Variants in CEP164 observed in about 807,000 individuals in gnomAD.
The protein encoded by CEP164 is centrosomal protein 164.
Under a neutral mutation model 182.7 loss-of-function variants are expected in CEP164, and 162 were observed. The observed-to-expected ratio is 0.89, with a 90% CI of 0.78 to 1.01. The LOEUF is 1.01. Ranked by LOEUF, CEP164 falls within the 50% of genes least tolerant of loss-of-function variation. CEP164 has a pLI of 0.00. For missense variants in CEP164, 1,735 were observed against 1,790.4 expected, an observed-to-expected ratio of 0.97 and a Z score of 0.56; for synonymous variants, 661 against 690.0, an observed-to-expected ratio of 0.96 and a Z score of 0.66.
At chr11:117,369,300 TA>T (rs1565504825) in intron 8 of CEP164, among the ~76,000 whole-genome samples, 1 of 152,212 alleles carries the variant, frequency 6.6e-6, no homozygotes, top group Non-Finnish European at 1.5e-5. Context: ...CCTTATGGGG[TA>T]AGCACTACTA....
chr11:117,333,006 G>A (rs2036453286), intron 1 of CEP164, among the ~76,000 whole-genome samples: 1 of 152,158 alleles, frequency 6.6e-6, no homozygotes, highest in Admixed American at 6.5e-5. Flanking sequence ...TCTAAGGGCT[G>A]CATTCTCATT....
intron 5 of CEP164, among the ~76,000 whole-genome samples, chr11:117,357,423 CTTTTTTT>C (rs4018866): frequency 8.2e-6 from 1 of 121,526 alleles, no homozygotes; most frequent in East Asian, 2.5e-4. Context: ...AGTTAATATT[CTTTTTTT>C]TTTTTTTTTT....
Position 117,371,331 on chromosome 11 carries a change from T to C in CEP164, c.1017T>C (p.Pro339=). 1.2e-6 allele frequency: 2 copies of C among 1,614,184 alleles called. No individual in the cohort carries two copies. The highest frequency in any genetic ancestry group is 1.7e-6 in the Non-Finnish European group (2 of 1,180,028). ...TPKADPTGSE[P]AKASEKEAPE... is the part of the protein sequence containing the mutation. ...AGGCAGACCCTACAGGCAGTGAGCC[T>C]GCCAAAGCCTCTGAAAAGGAAGCAC... Residue 339 remains proline, a synonymous_variant, in exon 9 of 33, where the codon CCT becomes CCC. Transcript: ENST00000278935.
rs747130165 is a variant in CEP164, at chr11:117,395,670, T to TCC, written c.3039_3040dup (p.Gln1014ProfsTer31). On this transcript the variant is annotated frameshift_variant, in exon 24 of 33. Transcript: ENST00000278935. LOFTEE classifies it high-confidence loss of function. Reference sequence around the variant, plus strand: ...GCAGGCCCGCAAGCTGAAGCTGGAGTCCCAAGTGGATCTGCTGCAGGCTCA... The same window carrying TCC: ...GCAGGCCCGCAAGCTGAAGCTGGAGTCCCCCAAGTGGATCTGCTGCAGGCTCA... 4 of 1,612,854 alleles carry TCC rather than the reference T, an allele frequency of 2.5e-6. No homozygotes were observed. The African/African-American group carries it at 5.4e-5, about 22-fold the overall frequency.
intron 1 of CEP164, among the ~76,000 whole-genome samples, chr11:117,330,919 C>T (rs1222695037): frequency 1.3e-5 from 2 of 152,220 alleles, no homozygotes; most frequent in African/African-American, 2.4e-5. Context: ...GGCTGTCCAG[C>T]TAGTAAGAGG....
Position 117,344,243 on chromosome 11 carries a change from A to T in CEP164, c.160A>T (p.Ile54Phe). ...PELMWLAREGIVAPLPGEWKP... is the reference protein window; with the variant it reads ...PELMWLAREGFVAPLPGEWKP... ...ACTGATGTGGCTGGCGCGAGAGGGCATCGTGGCCCCACTGCCTGGAGAGTG... is the reference window on the plus strand; with the variant it reads ...ACTGATGTGGCTGGCGCGAGAGGGCTTCGTGGCCCCACTGCCTGGAGAGTG... Residue 54 changes from isoleucine (I) to phenylalanine (F), a missense_variant, in exon 4 of 33, where the codon ATC (isoleucine) becomes TTC (phenylalanine). Coordinates refer to ENST00000278935, the MANE Select transcript of CEP164 (RefSeq NM_014956.5). 1.9e-6 allele frequency: 3 copies of T among 1,613,406 alleles called. No homozygotes were observed. The highest frequency in any genetic ancestry group is 2.5e-6 in the Non-Finnish European group (3 of 1,179,714).
chr11:117,405,227 G>A (rs1349708857), intron 27 of CEP164, among the ~76,000 whole-genome samples: 2 of 152,300 alleles, frequency 1.3e-5, no homozygotes, highest in Non-Finnish European at 2.9e-5. Flanking sequence ...AGCTAGCTCA[G>A]TGTCTGCCCA....
chr11:117,373,372 A>T (rs1832688603), intron 9 of CEP164, among the ~76,000 whole-genome samples: 1 of 152,058 alleles, frequency 6.6e-6, no homozygotes, highest in Admixed American at 6.5e-5. Context: ...GGAAAAAAAA[A>T]AAAAGAGCTT....
At chr11:117,370,172 ATCTAACCC>A (rs1353678479) in intron 8 of CEP164, among the ~76,000 whole-genome samples, 2 of 152,114 alleles carry the variant, frequency 1.3e-5, no homozygotes, top group African/African-American at 2.4e-5. Context: ...TCTCTTGTAC[ATCTAACCC>A]TAACTTGGCA....
chr11:117,343,336 T>C (rs1015456399), intron 3 of CEP164, among the ~76,000 whole-genome samples: 3 of 152,250 alleles, frequency 2.0e-5, no homozygotes, highest in Admixed American at 2.0e-4. Context: ...CACTGCCTTC[T>C]CTCTGCTCCC....
In CEP164 at chr11:117,382,943, G is replaced by A. The variant is rs1489883516; in HGVS notation, c.1724+1G>A. 5.6e-6 allele frequency: 9 copies of A among 1,612,174 alleles called. No homozygotes were observed. In the African/African-American group the frequency reaches 1.2e-4, roughly 22 times the overall value. On this transcript the variant is annotated splice_donor_variant, in intron 14 of 32. Coordinates refer to ENST00000278935, the MANE Select transcript of CEP164 (RefSeq NM_014956.5). LOFTEE classifies it high-confidence loss of function. ...CCACCCCGCCAGTCTCTCCAGAGGT[G>A]TAAGGGCCAGTTTTGTGTGTCTGTC...
In CEP164 at chr11:117,373,749, A is replaced by C; in HGVS notation, c.1153-2A>C. On this transcript the variant is annotated splice_acceptor_variant, in intron 9 of 32. Transcript: ENST00000278935. LOFTEE classifies it high-confidence loss of function. ...GATTTCTCTGTGGGTCTGTCTCTCC[A>C]GGAACTGGAAATTAGTGAACACATG... 1 of 1,613,832 alleles carries C rather than the reference A, an allele frequency of 6.2e-7. No homozygotes were observed. The highest frequency in any genetic ancestry group is 1.3e-5 in the African/African-American group (1 of 75,056).
At chr11:117,373,177 G>A (rs1422155775) in intron 9 of CEP164, among the ~76,000 whole-genome samples, 1 of 152,024 alleles carries the variant, frequency 6.6e-6, no homozygotes, top group Non-Finnish European at 1.5e-5. Flanking sequence ...GAGATCACTG[G>A]CCAACATGGT....
intron 8 of CEP164, among the ~76,000 whole-genome samples, chr11:117,368,661 A>T (rs2041904069): frequency 6.6e-6 from 1 of 152,162 alleles, no homozygotes; most frequent in Admixed American, 6.5e-5. Context: ...TGCCCACCCC[A>T]GGCAACTCCC....
chr11:117,382,633 G>A, intron 13 of CEP164, 163 bp from the exon 14 acceptor site: 1 of 732,524 alleles, frequency 1.4e-6, no homozygotes, highest in Non-Finnish European at 2.3e-6. Flanking sequence ...AATAATTCAG[G>A]GAGAGGAAGG....
intron 15 of CEP164, among the ~76,000 whole-genome samples, chr11:117,389,245 C>T (rs906524877): frequency 5.3e-5 from 8 of 152,088 alleles, no homozygotes; most frequent in African/African-American, 1.9e-4. Context: ...ATCCCCTGGT[C>T]GTGTGGGGCT....
chr11:117,391,097 T>C lies in CEP164; in HGVS notation c.2165T>C (p.Leu722Pro), dbSNP rs1368750064. 4 of 1,614,014 alleles carry C rather than the reference T, an allele frequency of 2.5e-6. No individual in the cohort carries two copies. The highest frequency in any genetic ancestry group is 1.7e-5 in the Admixed American group (1 of 60,016). Reference protein sequence around the residue: ...ASLEQKNRQMLEQLKEEIEAS... With the variant: ...ASLEQKNRQMPEQLKEEIEAS... ...TTGGAACAGAAAAATAGGCAAATGC[T>C]GGAGCAGCTCAAGGAAGAGATAGAG... Residue 722 changes from leucine to proline, a missense_variant, in exon 17 of 33, where the codon CTG becomes CCG. Coordinates refer to ENST00000278935, the MANE Select transcript of CEP164 (RefSeq NM_014956.5).
At chr11:117,377,419 G>T (rs374945270) in intron 11 of CEP164, among the ~76,000 whole-genome samples, 1 of 152,182 alleles carries the variant, frequency 6.6e-6, no homozygotes, top group Admixed American at 6.5e-5. Context: ...CTTGTGACCT[G>T]CCTGTTGTGA....
chr11:117,382,715 C>G, intron 13 of CEP164, 81 bp from the exon 14 acceptor site: 10 of 1,518,218 alleles, frequency 6.6e-6, no homozygotes, highest in Non-Finnish European at 8.9e-6. Flanking sequence ...TGTCATAGCT[C>G]TTTGACCCCA....
Sources: gnomAD v4.1 joint callset for allele counts (sites outside exome capture counted in the v4.1 genomes callset) on GRCh38, gnomAD v4.1.1 for gene constraint, MANE v1.5 for transcripts, NCBI Gene and HGNC (gene_info 2026-07-23, HGNC 2026-07-21) for gene names.